Variants in TNS3 observed in about 807,000 individuals in gnomAD.
The protein encoded by TNS3 is tensin-3.
Under a neutral mutation model 140.9 loss-of-function variants are expected in TNS3, and 45 were observed. That is an observed-to-expected ratio of 0.32 (90% CI 0.25 to 0.41). TNS3 has a LOEUF of 0.41. TNS3 is among the 10% of genes least tolerant of loss of function. The pLI, the probability that TNS3 is intolerant of heterozygous loss-of-function variation, is 1.00. For synonymous variants in TNS3, 815 were observed against 788.4 expected, an observed-to-expected ratio of 1.03 and a Z score of -0.56; for missense variants, 1,716 against 1,906.7, an observed-to-expected ratio of 0.90 and a Z score of 1.86.
Position 47,325,367 on chromosome 7 carries a change from G to A in TNS3, c.2650+19388C>T, listed in dbSNP as rs192133018. On this transcript the variant is annotated intron_variant, in intron 20 of 30. Transcript: ENST00000311160. ...TAACTTTAATTTACTTGGGTGACCC[G>A]GTACCCACCTGCCTTCTCCACCCAG... Among the ~76,000 whole-genome samples, 62 of 152,198 alleles carry A rather than the reference G, an allele frequency of 4.1e-4. 1 individual carries two copies. Among genetic ancestry groups the A allele is most frequent in the African/African-American group, 1.3e-3 (52 of 41,526 alleles).
intron 17 of TNS3, among the ~76,000 whole-genome samples, chr7:47,348,088 C>T (rs1265825645): frequency 6.6e-6 from 1 of 152,244 alleles, no homozygotes; most frequent in African/African-American, 2.4e-5. Context: ...CACACACATG[C>T]ATTTGCAGCC....
chr7:47,568,418 C>T (rs1562861351), intron 1 of TNS3, among the ~76,000 whole-genome samples: 1 of 152,180 alleles, frequency 6.6e-6, no homozygotes, highest in Non-Finnish European at 1.5e-5. Context: ...GGGCAAGCTA[C>T]CTCGCCCTGC....
intron 12 of TNS3, among the ~76,000 whole-genome samples, chr7:47,412,078 G>A (rs1793805903): frequency 6.6e-6 from 1 of 152,150 alleles, no homozygotes; most frequent in Non-Finnish European, 1.5e-5. Context: ...GACCATGCAG[G>A]CTTAGAGGAA....
At chr7:47,543,986 C>T (rs1434910699) in intron 1 of TNS3, among the ~76,000 whole-genome samples, 1 of 152,218 alleles carries the variant, frequency 6.6e-6, no homozygotes, top group Non-Finnish European at 1.5e-5. Flanking sequence ...TTCCCCCTGA[C>T]TTTGAGAAGT....
At chr7:47,286,446 T>G (rs1337786368) in intron 27 of TNS3, among the ~76,000 whole-genome samples, 1 of 152,174 alleles carries the variant, frequency 6.6e-6, no homozygotes, top group Non-Finnish European at 1.5e-5. Context: ...CAGGCATGCC[T>G]GCGCCTGCCT....
chr7:47,476,178 G>A (rs1469920349), intron 4 of TNS3, among the ~76,000 whole-genome samples: 1 of 152,166 alleles, frequency 6.6e-6, no homozygotes, highest in Admixed American at 6.5e-5. Flanking sequence ...ACCCCAAGAA[G>A]AGCTGGTGGC....
At chr7:47,578,383 G>T (rs1392878081) in intron 1 of TNS3, among the ~76,000 whole-genome samples, 1 of 152,170 alleles carries the variant, frequency 6.6e-6, no homozygotes, top group African/African-American at 2.4e-5. Context: ...GGCATTCCGA[G>T]GGACCCTAAA....
chr7:47,576,007 A>C (rs1800667468), intron 1 of TNS3, among the ~76,000 whole-genome samples: 1 of 152,046 alleles, frequency 6.6e-6, no homozygotes, highest in South Asian at 2.1e-4. Context: ...ACATGGACAC[A>C]GGCCCCCTTT....
chr7:47,416,235 G>C (rs1794075595), intron 10 of TNS3, among the ~76,000 whole-genome samples: 1 of 152,226 alleles, frequency 6.6e-6, no homozygotes. Flanking sequence ...ACTGAGGCAG[G>C]AAGTGGCAGG....
rs574058550 is a variant in TNS3 at position 47,306,180 on chromosome 7, G to A, written c.2651-1177C>T. On this transcript the variant is annotated intron_variant, in intron 20 of 30. Transcript: ENST00000311160. The stretch of plus-strand genomic sequence containing the variant: ...ATTATCAACAGCATATGTGATTTCT[G>A]AAGATGAAATACCTAGGGGGTTTTC... Among the ~76,000 whole-genome samples, 193 of 152,276 alleles carry A rather than the reference G, an allele frequency of 1.3e-3. 1 individual carries two copies. Among genetic ancestry groups the A allele is most frequent in the African/African-American group, 4.4e-3 (181 of 41,548 alleles).
At chr7:47,492,842 G>A (rs975014497) in intron 3 of TNS3, among the ~76,000 whole-genome samples, 7 of 152,206 alleles carry the variant, frequency 4.6e-5, no homozygotes, top group African/African-American at 9.6e-5. Flanking sequence ...TGAGAAAGGC[G>A]GGGTTCCGGA....
intron 2 of TNS3, among the ~76,000 whole-genome samples, chr7:47,515,715 A>ACCATCACC (rs1413978973): frequency 6.6e-6 from 1 of 152,024 alleles, no homozygotes; most frequent in Non-Finnish European, 1.5e-5. Flanking sequence ...GCCACCACCC[A>ACCATCACC]CCATCACCAT....
intron 8 of TNS3, among the ~76,000 whole-genome samples, chr7:47,434,001 G>A (rs1169921898): frequency 2.0e-5 from 3 of 151,866 alleles, no homozygotes; most frequent in Admixed American, 1.3e-4. Flanking sequence ...CATCACGGAC[G>A]ATTTGGTGGT....
chr7:47,350,230 C>A (rs1288423791), intron 17 of TNS3, among the ~76,000 whole-genome samples: 1 of 152,228 alleles, frequency 6.6e-6, no homozygotes, highest in Non-Finnish European at 1.5e-5. Flanking sequence ...AACAAGATGG[C>A]TACCCTCATC....
intron 1 of TNS3, among the ~76,000 whole-genome samples, chr7:47,542,561 T>C (rs11977739): frequency 0.083 from 12,637 of 152,258 alleles, 1,760 homozygotes; most frequent in African/African-American, 0.29. Context: ...AAATCTGACA[T>C]GGCCAGTCCC....
intron 2 of TNS3, among the ~76,000 whole-genome samples, chr7:47,513,649 CA>C (rs1201400044): frequency 6.6e-6 from 1 of 152,194 alleles, no homozygotes; most frequent in Non-Finnish European, 1.5e-5. Flanking sequence ...CATCAACTTG[CA>C]AAAACTGAAA....
chr7:47,468,484 C>G (rs1286751062), intron 4 of TNS3, among the ~76,000 whole-genome samples: 1 of 151,882 alleles, frequency 6.6e-6, no homozygotes, highest in Admixed American at 6.6e-5. Flanking sequence ...TTAATGTTCC[C>G]CTTCAGTAGT....
intron 20 of TNS3, among the ~76,000 whole-genome samples, chr7:47,343,533 C>A (rs1789141856): frequency 6.6e-6 from 1 of 152,198 alleles, no homozygotes; most frequent in Non-Finnish European, 1.5e-5. Flanking sequence ...CCCAAACCCA[C>A]TGAACACTTT....
chr7:47,469,435 C>T (rs975759725), intron 4 of TNS3, among the ~76,000 whole-genome samples: 1 of 152,302 alleles, frequency 6.6e-6, no homozygotes, highest in Admixed American at 6.5e-5. Context: ...AAAAGGAATG[C>T]TTGTACACTG....
Sources: allele counts gnomAD v4.1 joint callset (sites outside exome capture counted in the v4.1 genomes callset), GRCh38; gene constraint gnomAD v4.1.1; transcripts MANE v1.5; gene names NCBI Gene and HGNC (gene_info 2026-07-23, HGNC 2026-07-21).